The following FAM107B variants were observed in gnomAD, a reference collection of about 807,000 sequenced individuals.
FAM107B encodes the protein protein FAM107B.
In FAM107B, 21 loss-of-function variants were observed where a neutral mutation model predicts 31.5. That is an observed-to-expected ratio of 0.67 (90% CI 0.47 to 0.96). FAM107B has a LOEUF of 0.96. Ranked by LOEUF, FAM107B falls within the 40% of genes least tolerant of loss-of-function variation. The pLI is 0.00. For missense variants in FAM107B, 452 were observed against 377.1 expected (o/e 1.20, Z -1.64); for synonymous variants, 157 against 141.5 (o/e 1.11, Z -0.78).
chr10:14,655,879 G>T (rs1038250230), intron 2 of FAM107B, among the ~76,000 whole-genome samples: 1 of 152,164 alleles, frequency 6.6e-6, no homozygotes, highest in African/African-American at 2.4e-5. Context: ...GGGATTGGGT[G>T]ACAATTACTC....
At chr10:14,750,013 G>C (rs1832796297) in intron 1 of FAM107B, among the ~76,000 whole-genome samples, 1 of 152,216 alleles carries the variant, frequency 6.6e-6, no homozygotes, top group Admixed American at 6.5e-5. Flanking sequence ...GGGGCCTAAG[G>C]CACCTGGGAA....
At chr10:14,543,870 A>C (rs1339097190) in intron 2 of FAM107B, among the ~76,000 whole-genome samples, 1 of 152,148 alleles carries the variant, frequency 6.6e-6, no homozygotes, top group Non-Finnish European at 1.5e-5. Flanking sequence ...TCTCCACCAC[A>C]CAGGTTTATA....
Position 14,654,145 on chromosome 10 carries a change from G to A in FAM107B, c.469+13489C>T, listed in dbSNP as rs537145275. 4.0e-5 allele frequency among the ~76,000 whole-genome samples: 6 copies of A among 151,236 alleles called. No individual in the cohort carries two copies. In the East Asian group the frequency reaches 1.2e-3, roughly 29 times the overall value. ...TCCACTGCTTAGGAATGCAGGCCTG[G>A]TTTGGCTAGTTCTTACAATTTCTCA... On this transcript the variant is annotated intron_variant, in intron 2 of 4. Transcript: ENST00000181796.
chr10:14,673,986 T>G (rs1384442012), intron 1 of FAM107B, among the ~76,000 whole-genome samples: 1 of 152,196 alleles, frequency 6.6e-6, no homozygotes, highest in Non-Finnish European at 1.5e-5. Context: ...TGCTTTTTGT[T>G]TTGTTTGTTT....
chr10:14,548,391 G>A (rs1419447137), intron 2 of FAM107B: 4 of 983,226 alleles, frequency 4.1e-6, no homozygotes, highest in African/African-American at 1.7e-5. Context: ...AGGTACTTGT[G>A]CCCTTGTACA....
intron 1 of FAM107B, among the ~76,000 whole-genome samples, chr10:14,754,587 G>A (rs184587272): frequency 1.1e-4 from 17 of 152,270 alleles, no homozygotes; most frequent in African/African-American, 3.9e-4. Context: ...CAGCAAGAGG[G>A]GAGTCAGCTT....
chr10:14,759,216 A>G (rs1832992868), intron 1 of FAM107B, among the ~76,000 whole-genome samples: 1 of 151,932 alleles, frequency 6.6e-6, no homozygotes, highest in Non-Finnish European at 1.5e-5. Flanking sequence ...AAATAAATAA[A>G]TAAATAAAAA....
At chr10:14,621,606 G>A (rs1394468378) in intron 2 of FAM107B, among the ~76,000 whole-genome samples, 3 of 152,162 alleles carry the variant, frequency 2.0e-5, no homozygotes, top group Admixed American at 1.3e-4. Flanking sequence ...TAGTCAGGCT[G>A]CAATTCTATT....
chr10:14,660,678 T>C (rs1854210776), intron 2 of FAM107B, among the ~76,000 whole-genome samples: 1 of 152,250 alleles, frequency 6.6e-6, no homozygotes, highest in African/African-American at 2.4e-5. Flanking sequence ...AATGCTTTTG[T>C]ATATTGCATG....
At chr10:14,612,665 G>C (rs990820396) in intron 2 of FAM107B, 1 of 152,102 alleles carries the variant, frequency 6.6e-6, no homozygotes, top group African/African-American at 2.4e-5. Flanking sequence ...ATAATTACAA[G>C]GACAAAATAA....
chr10:14,758,873 GAA>G (rs57967855), intron 1 of FAM107B, among the ~76,000 whole-genome samples: 2,737 of 38,600 alleles, frequency 0.071, 33 homozygotes, highest in East Asian at 0.2. Context: ...GACCCTCTCA[GAA>G]AAAAAAAAAA....
chr10:14,773,480 G>A (rs1424270253), intron 1 of FAM107B, among the ~76,000 whole-genome samples: 2 of 152,136 alleles, frequency 1.3e-5, no homozygotes, highest in Non-Finnish European at 2.9e-5. Flanking sequence ...GATATCTTTG[G>A]AGTGTACCTT....
intron 3 of FAM107B, among the ~76,000 whole-genome samples, chr10:14,523,101 T>A (rs1348140055): frequency 1.3e-5 from 2 of 152,232 alleles, no homozygotes; most frequent in African/African-American, 4.8e-5. Context: ...GGGAAAGACA[T>A]GTCTTAGCAT....
chr10:14,640,078 C>A (rs1405664874), intron 2 of FAM107B, among the ~76,000 whole-genome samples: 5 of 152,186 alleles, frequency 3.3e-5, no homozygotes, highest in African/African-American at 1.2e-4. Context: ...GCCATGGTAA[C>A]CCATACCCAT....
intron 2 of FAM107B, among the ~76,000 whole-genome samples, chr10:14,596,961 A>G (rs1564593318): frequency 6.6e-6 from 1 of 152,200 alleles, no homozygotes; most frequent in Non-Finnish European, 1.5e-5. Flanking sequence ...AGAAATAATG[A>G]CATGCTCAAA....
intron 2 of FAM107B, among the ~76,000 whole-genome samples, chr10:14,591,726 T>C (rs558830144): frequency 6.6e-6 from 1 of 152,304 alleles, no homozygotes; most frequent in Non-Finnish European, 1.5e-5. Context: ...TCAGACCTTT[T>C]CCTAAGCTGA....
intron 3 of FAM107B, among the ~76,000 whole-genome samples, chr10:14,522,551 G>A (rs943492488): frequency 4.6e-5 from 7 of 152,090 alleles, no homozygotes; most frequent in African/African-American, 1.7e-4. Context: ...GAGTAGCTGG[G>A]ATTACAGGCG....
intron 2 of FAM107B, among the ~76,000 whole-genome samples, chr10:14,609,513 C>T (rs12246306): frequency 0.02 from 3,059 of 152,240 alleles, 106 homozygotes; most frequent in African/African-American, 0.07. Context: ...CATCATGTGG[C>T]CCTCCCCATC....
chr10:14,759,670 T>A (rs1468727043), intron 1 of FAM107B, among the ~76,000 whole-genome samples: 1 of 152,322 alleles, frequency 6.6e-6, no homozygotes. Context: ...GATAAACCAA[T>A]AAAATCAAAA....
Sources: gnomAD v4.1 joint callset for allele counts (sites outside exome capture counted in the v4.1 genomes callset) on GRCh38, gnomAD v4.1.1 for gene constraint, MANE v1.5 for transcripts, NCBI Gene and HGNC (gene_info 2026-07-23, HGNC 2026-07-21) for gene names.